SIRPD: variants seen among roughly 807,000 people sequenced by gnomAD.
SIRPD encodes the protein signal-regulatory protein delta.
A neutral mutation model predicts 18.0 loss-of-function variants in SIRPD; 21 were observed. The observed-to-expected ratio is 1.17, with a 90% CI of 0.83 to 1.68. SIRPD has a LOEUF of 1.68. Among genes scored for constraint, SIRPD ranks in the 40% most tolerant of loss-of-function variants. The pLI, the probability that SIRPD is intolerant of heterozygous loss-of-function variation, is 0.00. For missense variants in SIRPD, 295 were observed against 238.4 expected, an observed-to-expected ratio of 1.24 and a Z score of -1.56; for synonymous variants, 106 against 92.9, an observed-to-expected ratio of 1.14 and a Z score of -0.81.
intron 2 of SIRPD, among the ~76,000 whole-genome samples, chr20:1,539,929 A>G (rs1010064465): frequency 2.6e-5 from 4 of 152,198 alleles, no homozygotes; most frequent in African/African-American, 9.6e-5. Context: ...AGACACCTTG[A>G]TTGCAGCCTT....
chr20:1,536,443 T>A (rs2090945928), intron 3 of SIRPD, among the ~76,000 whole-genome samples: 1 of 149,016 alleles, frequency 6.7e-6, no homozygotes. Flanking sequence ...TTAACCACTT[T>A]ATTAGTTGGA....
chr20:1,550,342 C>T (rs1292135867), intron 2 of SIRPD, among the ~76,000 whole-genome samples: 1 of 152,152 alleles, frequency 6.6e-6, no homozygotes, highest in African/African-American at 2.4e-5. Flanking sequence ...GTGGATAGTT[C>T]CCTAGAACTC....
At chr20:1,544,876 C>CT (rs961175785) in intron 2 of SIRPD, among the ~76,000 whole-genome samples, 1 of 152,034 alleles carries the variant, frequency 6.6e-6, no homozygotes, top group Non-Finnish European at 1.5e-5. Flanking sequence ...ATTTATGAAG[C>CT]TTTTTTTGGC....
chr20:1,551,708 G>A lies in SIRPD; in HGVS notation c.404C>T (p.Thr135Ile). The A allele has an allele frequency of 6.2e-7, 1 of 1,612,916 alleles. No individual in the cohort carries two copies. The highest frequency in any genetic ancestry group is 8.5e-7 in the Non-Finnish European group (1 of 1,179,222). Residue 135 changes from threonine to isoleucine, a missense_variant, in exon 2 of 4, where the codon ACT becomes ATT. Transcript: ENST00000381623. ...AIKEYQSGRG[T>I]QVFVTEQNPR... Reference sequence around the variant, plus strand: ...ATACTCACCAGTAACAAACACCTGAGTGCCCCGACCTGATTGGTACTCCTT... The same window carrying A: ...ATACTCACCAGTAACAAACACCTGAATGCCCCGACCTGATTGGTACTCCTT...
Position 1,537,237 on chromosome 20 carries a change from G to C in SIRPD, c.495C>G (p.Thr165=). ...AGSRAHHDAH[T]CLSALPERNS... is the part of the protein sequence containing the mutation. ...TTCTCTCAGGCAGGGCCGAGAGGCA[G>C]GTATGGGCATCATGGTGGGCCCTGG... Residue 165 remains threonine (T), a synonymous_variant, in exon 3 of 4, where the codon ACC becomes ACG. Coordinates refer to ENST00000381623, the MANE Select transcript of SIRPD (RefSeq NM_178460.3). 6.2e-7 allele frequency: 1 copy of C among 1,614,156 alleles called. No homozygotes were observed. The highest frequency in any genetic ancestry group is 8.5e-7 in the Non-Finnish European group (1 of 1,180,018).
intron 3 of SIRPD, among the ~76,000 whole-genome samples, chr20:1,534,881 C>G (rs1445092925): frequency 1.3e-5 from 2 of 152,082 alleles, no homozygotes; most frequent in Non-Finnish European, 2.9e-5. Context: ...TGCAATTTCC[C>G]AATAAAACTC....
intron 2 of SIRPD, among the ~76,000 whole-genome samples, chr20:1,538,658 C>G (rs1200306264): frequency 6.6e-6 from 1 of 152,190 alleles, no homozygotes; most frequent in Non-Finnish European, 1.5e-5. Context: ...TGCCACCATG[C>G]TATGAGGAAG....
At chr20:1,534,544 T>C (rs2090937395) in intron 3 of SIRPD, 103 bp from the exon 4 acceptor site, 1 of 1,251,190 alleles carries the variant, frequency 8.0e-7, no homozygotes, top group East Asian at 2.5e-5. Flanking sequence ...ATGAAAAAGA[T>C]TGCCAATTTT....
In SIRPD at chr20:1,550,549, C is replaced by T. The variant is rs140132400; in HGVS notation, c.421+1142G>A. On this transcript the variant is annotated intron_variant, in intron 2 of 3. Coordinates refer to ENST00000381623, the MANE Select transcript of SIRPD (RefSeq NM_178460.3). ...GGTAACATTAAGCCCTAAATCCAAT[C>T]CTTTAGTCCCTGGTTCCAAAAGTTC... Among the ~76,000 whole-genome samples, 25 of 152,324 alleles carry T rather than the reference C, an allele frequency of 1.6e-4. No homozygotes were observed. The East Asian group carries it at 4.2e-3, about 26-fold the overall frequency.
intron 1 of SIRPD, 95 bp downstream of exon 1, chr20:1,557,486 T>C (rs1052433703): frequency 8.9e-5 from 102 of 1,145,766 alleles, no homozygotes; most frequent in Non-Finnish European, 1.2e-4. Context: ...GAGAAAACCC[T>C]CCCAAAAGAA....
In SIRPD at chr20:1,551,856, C is replaced by T. The variant is rs1366702562; in HGVS notation, c.256G>A (p.Val86Ile). The T allele has an allele frequency of 1.2e-6, 2 of 1,614,112 alleles. No individual in the cohort carries two copies. Among genetic ancestry groups the T allele is most frequent in the Non-Finnish European group, 1.7e-6 (2 of 1,179,986 alleles). Residue 86 changes from valine (V) to isoleucine (I), a missense_variant, in exon 2 of 4, where the codon GTA becomes ATA. By Grantham distance (29) the Val-to-Ile change is conservative (BLOSUM62 3). Coordinates refer to ENST00000381623, the MANE Select transcript of SIRPD (RefSeq NM_178460.3). ...TTGGTGGTGTCTCCAATCTCTTTTA[C>T]TCTGGGAAAGTTACCTTGTTTGAAA... ...YNFKQGNFPR[V>I]KEIGDTTKPG...
At chr20:1,555,844 A>T (rs1019462614) in intron 1 of SIRPD, among the ~76,000 whole-genome samples, 1 of 152,226 alleles carries the variant, frequency 6.6e-6, no homozygotes, top group African/African-American at 2.4e-5. Flanking sequence ...GATATAGCTT[A>T]GCTGGGTTCT....
intron 2 of SIRPD, among the ~76,000 whole-genome samples, chr20:1,545,830 C>G (rs2263662): frequency 0.99 from 150,670 of 152,324 alleles, 74,522 homozygotes; most frequent in Middle Eastern, 1. Context: ...TGATGTTGAT[C>G]CTGTTGCTTT....
intron 2 of SIRPD, among the ~76,000 whole-genome samples, chr20:1,551,411 C>T (rs940775478): frequency 6.6e-6 from 1 of 152,186 alleles, no homozygotes; most frequent in African/African-American, 2.4e-5. Context: ...TAGCAGGGAA[C>T]ATGGAATTAT....
intron 2 of SIRPD, among the ~76,000 whole-genome samples, chr20:1,549,324 C>T (rs2091007701): frequency 6.7e-6 from 1 of 150,008 alleles, no homozygotes; most frequent in East Asian, 1.9e-4. Context: ...AATGCTTTGC[C>T]TGTTAAGTTT....
At chr20:1,551,610 C>T (rs1324748330) in intron 2 of SIRPD, 81 bp downstream of exon 2, 2 of 1,075,914 alleles carry the variant, frequency 1.9e-6, no homozygotes, top group Non-Finnish European at 1.4e-6. Context: ...TGGCACATAG[C>T]AATTATTGAA....
rs943184613 is a variant in SIRPD, at chr20:1,536,490, T to C, written c.577+665A>G. Among the ~76,000 whole-genome samples the C allele has an allele frequency of 2.6e-5, 4 of 151,420 alleles. No individual in the cohort carries two copies. The East Asian group carries it at 7.8e-4, about 30-fold the overall frequency. On this transcript the variant is annotated intron_variant, in intron 3 of 3. Coordinates refer to ENST00000381623, the MANE Select transcript of SIRPD (RefSeq NM_178460.3). ...GATGTTAACACCACTGGGAGAAGAA[T>C]GGTTGCCTCTCCTGACTGTGCAGAT...
intron 2 of SIRPD, among the ~76,000 whole-genome samples, chr20:1,549,862 C>T (rs1377809216): frequency 6.6e-6 from 1 of 152,072 alleles, no homozygotes; most frequent in Non-Finnish European, 1.5e-5. Context: ...ACACCAACTA[C>T]AAGAAACGAA....
In SIRPD at chr20:1,552,169, G is replaced by T. The variant is rs751753680; in HGVS notation, c.74-131C>A. On this transcript the variant is annotated intron_variant, in intron 1 of 3. Transcript: ENST00000381623. ...AATGCCCATGCATTGAGTAAAGAGAGGCCTTTGCACATGGAGGCAGCTTCT... is the reference window on the plus strand; with the variant it reads ...AATGCCCATGCATTGAGTAAAGAGATGCCTTTGCACATGGAGGCAGCTTCT... 1.4e-4 allele frequency: 101 copies of T among 744,742 alleles called. 1 individual carries two copies. The Admixed American group carries it at 1.4e-3, about 11-fold the overall frequency. 46.1% of individuals were successfully genotyped at this position (744,742 alleles called of 1,614,324 possible).
Sources: gnomAD v4.1 joint callset for allele counts (sites outside exome capture counted in the v4.1 genomes callset) on GRCh38, gnomAD v4.1.1 for gene constraint, MANE v1.5 for transcripts, NCBI Gene and HGNC (gene_info 2026-07-23, HGNC 2026-07-21) for gene names.